RSF1: variants seen among roughly 807,000 people sequenced by gnomAD.
RSF1 encodes the protein HBV pX-associated protein 8.
A neutral mutation model predicts 145.2 loss-of-function variants in RSF1; 13 were observed. The ratio of observed to expected loss-of-function variants is 0.09; its 90% confidence interval spans 0.06 to 0.14. RSF1 has a LOEUF of 0.14. RSF1 is among the 10% of genes least tolerant of loss of function. The pLI, the probability that RSF1 is intolerant of heterozygous loss-of-function variation, is 1.00. For synonymous variants in RSF1, 577 were observed against 592.6 expected, an observed-to-expected ratio of 0.97 and a Z score of 0.38; for missense variants, 1,517 against 1,718.2, an observed-to-expected ratio of 0.88 and a Z score of 2.07.
intron 4 of RSF1, among the ~76,000 whole-genome samples, chr11:77,727,791 C>A (rs1054525749): frequency 6.6e-6 from 1 of 151,778 alleles, no homozygotes; most frequent in African/African-American, 2.4e-5. Flanking sequence ...ACTTCCACTA[C>A]TTTAAGCAAA....
In RSF1 at chr11:77,700,869, T is replaced by G; in HGVS notation, c.2360A>C (p.Lys787Thr). 1 of 1,613,902 alleles carries G rather than the reference T, an allele frequency of 6.2e-7. No homozygotes were observed. The highest frequency in any genetic ancestry group is 8.5e-7 in the Non-Finnish European group (1 of 1,180,016). The change falls in exon 6 of 16, where the codon AAA becomes ACA. Residue 787 changes from lysine (K) to threonine (T), a missense_variant. Physicochemically the swap from Lys to Thr is moderately conservative, Grantham distance 78. Around this residue, in one of 12 missense-constraint regions of RSF1, gnomAD observed 579 missense variants for 553.5 expected, o/e 1.05. Transcript: ENST00000308488. ...RSPRISRPTA[K>T]VAEIRDQKAD... ...TTTCTGATCTCTGATCTCAGCCACT[T>G]TTGCAGTGGGTCTAGATATTCTTGG... is the stretch of plus-strand genomic sequence containing the variant.
chr11:77,786,253 G>A (rs960853741), intron 1 of RSF1, among the ~76,000 whole-genome samples: 3 of 152,106 alleles, frequency 2.0e-5, no homozygotes, highest in African/African-American at 7.2e-5. Context: ...TGTATATTAA[G>A]AGATTTAGTC....
chr11:77,743,456 CTAAA>C (rs1947964103), intron 3 of RSF1, among the ~76,000 whole-genome samples: 1 of 152,022 alleles, frequency 6.6e-6, no homozygotes, highest in Non-Finnish European at 1.5e-5. Context: ...AAATTTACTC[CTAAA>C]TATTTTATTT....
At chr11:77,775,615 C>T (rs1298386426) in intron 1 of RSF1, among the ~76,000 whole-genome samples, 2 of 152,218 alleles carry the variant, frequency 1.3e-5, no homozygotes, top group Non-Finnish European at 2.9e-5. Context: ...CTTCTATGCT[C>T]ATCATGTATA....
intron 1 of RSF1, among the ~76,000 whole-genome samples, chr11:77,776,174 C>CTGCA: frequency 6.6e-6 from 1 of 152,188 alleles, no homozygotes; most frequent in Non-Finnish European, 1.5e-5. Context: ...ATTGCACCAA[C>CTGCA]TGCACTTCAG....
At chr11:77,767,374 T>A (rs1444296282) in intron 1 of RSF1, among the ~76,000 whole-genome samples, 1 of 152,102 alleles carries the variant, frequency 6.6e-6, no homozygotes, top group East Asian at 1.9e-4. Context: ...CAAACCAATC[T>A]TCCAAAAAGA....
At chr11:77,814,749 A>T (rs545877312) in intron 1 of RSF1, among the ~76,000 whole-genome samples, 101 of 152,232 alleles carry the variant, frequency 6.6e-4, no homozygotes, top group African/African-American at 2.4e-3. Context: ...CCAGCCGAAA[A>T]AATACATTTT....
intron 2 of RSF1, chr11:77,764,186 G>T (rs1314683767): frequency 6.4e-6 from 1 of 157,402 alleles, no homozygotes; most frequent in Non-Finnish European, 1.4e-5. Flanking sequence ...TGTGGCCCAG[G>T]GGTTGGGGAC....
At position 77,813,622 on chromosome 11, in the gene RSF1, G is replaced by A. The variant is rs117568957; in HGVS notation, c.187+6906C>T. Reference sequence around the variant, plus strand: ...CGGCTCGTTAGAGTGATTCAATTTCGGTGAACTGCCACCTCCAGCTCCACG... The same window carrying A: ...CGGCTCGTTAGAGTGATTCAATTTCAGTGAACTGCCACCTCCAGCTCCACG... On this transcript the variant is annotated intron_variant, in intron 1 of 15. Coordinates refer to ENST00000308488, the MANE Select transcript of RSF1 (RefSeq NM_016578.4). 7.4e-4 allele frequency: 454 copies of A among 616,740 alleles called. 2 individuals carry two copies. The East Asian group carries it at 0.01, about 14-fold the overall frequency. The allele number at this position is 616,740 out of a possible 1,614,324, so 38.2% of individuals were successfully genotyped here. A position where few individuals can be genotyped will look rare whatever the true frequency, so the allele number is the denominator to read the frequency against.
intron 4 of RSF1, among the ~76,000 whole-genome samples, chr11:77,736,028 C>A (rs938383539): frequency 6.6e-6 from 1 of 152,220 alleles, no homozygotes; most frequent in Non-Finnish European, 1.5e-5. Flanking sequence ...TGAGCCGCCG[C>A]ACCCGGCCAT....
chr11:77,776,596 A>G (rs1042655269), intron 1 of RSF1, among the ~76,000 whole-genome samples: 6 of 152,202 alleles, frequency 3.9e-5, no homozygotes, highest in African/African-American at 1.4e-4. Flanking sequence ...TGTACTTTAT[A>G]TATCATAAAG....
chr11:77,816,584 A>G (rs535142082), intron 1 of RSF1, among the ~76,000 whole-genome samples: 1 of 152,370 alleles, frequency 6.6e-6, no homozygotes, highest in South Asian at 2.1e-4. Flanking sequence ...ATCTGTATTT[A>G]CCTTAATAAA....
intron 15 of RSF1, among the ~76,000 whole-genome samples, chr11:77,669,986 C>A (rs1472284026): frequency 1.3e-5 from 2 of 152,146 alleles, no homozygotes; most frequent in Non-Finnish European, 2.9e-5. Context: ...TAAAAATTAG[C>A]AGTGTGGTGG....
the RSF1 span, among the ~76,000 whole-genome samples, chr11:77,833,360 G>A: frequency 6.6e-6 from 1 of 152,110 alleles, no homozygotes; most frequent in Admixed American, 6.6e-5. Context: ...GGGAGACAGT[G>A]ACAGATCATC....
intron 5 of RSF1, among the ~76,000 whole-genome samples, chr11:77,711,497 T>G (rs1203444612): frequency 2.0e-5 from 3 of 151,998 alleles, no homozygotes; most frequent in African/African-American, 7.2e-5. Flanking sequence ...TGAAACACCA[T>G]CTGTACTAAA....
chr11:77,803,226 G>A (rs1181709788), intron 1 of RSF1, among the ~76,000 whole-genome samples: 1 of 151,688 alleles, frequency 6.6e-6, no homozygotes, highest in African/African-American at 2.4e-5. Flanking sequence ...TGGCTCACTG[G>A]AGCCTCCACC....
At chr11:77,815,330 GAA>G (rs1462426898) in intron 1 of RSF1, among the ~76,000 whole-genome samples, 2 of 152,042 alleles carry the variant, frequency 1.3e-5, no homozygotes, top group Non-Finnish European at 2.9e-5. Flanking sequence ...GTTTTTAAAA[GAA>G]AATAGAAAAT....
intron 9 of RSF1, among the ~76,000 whole-genome samples, chr11:77,686,649 T>TA (rs1394223379): frequency 2.0e-5 from 3 of 152,076 alleles, no homozygotes; most frequent in Non-Finnish European, 4.4e-5. Flanking sequence ...ATGGTCTTTT[T>TA]AGAGATAGGT....
the RSF1 span, among the ~76,000 whole-genome samples, chr11:77,854,401 CAGTT>C: frequency 1.3e-5 from 2 of 152,182 alleles, no homozygotes; most frequent in Admixed American, 6.5e-5. Flanking sequence ...AGATCAAAAA[CAGTT>C]AGTTACTTCC....
Sources: gnomAD v4.1 joint callset for allele counts (sites outside exome capture counted in the v4.1 genomes callset) on GRCh38, gnomAD v4.1.1 for gene constraint, gnomAD v4.1.1 regional missense constraint, MANE v1.5 for transcripts, NCBI Gene and HGNC (gene_info 2026-07-23, HGNC 2026-07-21) for gene names.